Variants in ZNF827 observed in about 807,000 individuals in gnomAD.
The protein encoded by ZNF827 is zinc finger protein 827.
ZNF827 carries 13 observed loss-of-function variants against 102.4 expected under a neutral mutation model. The observed-to-expected ratio is 0.13, with a 90% CI of 0.08 to 0.20. ZNF827 has a LOEUF of 0.20. Among genes scored for constraint, ZNF827 ranks in the 10% least tolerant of loss-of-function variants. ZNF827 has a pLI of 1.00. For missense variants in ZNF827, 1,103 were observed against 1,344.4 expected, an observed-to-expected ratio of 0.82 and a Z score of 2.81; for synonymous variants, 523 against 536.2, an observed-to-expected ratio of 0.98 and a Z score of 0.34.
chr4:145,934,155 G>A (rs535124416), intron 1 of ZNF827, among the ~76,000 whole-genome samples: 34 of 152,226 alleles, frequency 2.2e-4, no homozygotes, highest in African/African-American at 7.7e-4. Flanking sequence ...AAGAAATAAA[G>A]GCTGTATCTC....
At chr4:145,820,684 ACTC>A (rs966866785) in intron 8 of ZNF827, among the ~76,000 whole-genome samples, 2 of 151,332 alleles carry the variant, frequency 1.3e-5, no homozygotes, top group Non-Finnish European at 2.9e-5. Flanking sequence ...TTCCCACCCC[ACTC>A]CTCTTTTTCT....
rs542677375 is a variant in ZNF827 at position 145,791,373 on chromosome 4, C to G, written c.2384-11862G>C. ...CACTTCCCAAAGGCTCCATCTTCTA[C>G]ATAGCATCACTTTAGGGGTGAGGAT... On this transcript the variant is annotated intron_variant, in intron 8 of 14. Coordinates refer to ENST00000508784, the MANE Select transcript of ZNF827 (RefSeq NM_001306215.2). 3.3e-5 allele frequency among the ~76,000 whole-genome samples: 5 copies of G among 152,272 alleles called. No individual in the cohort carries two copies. In the South Asian group the frequency reaches 1.0e-3, roughly 32 times the overall value.
At chr4:145,903,331 G>A in intron 1 of ZNF827, 116 bp from the exon 2 acceptor site, 1 of 1,447,468 alleles carries the variant, frequency 6.9e-7, no homozygotes, top group African/African-American at 1.4e-5. Flanking sequence ...AGAACCAAAT[G>A]AAAGGTGGCA....
chr4:145,858,144 T>A (rs147871548), intron 5 of ZNF827, among the ~76,000 whole-genome samples: 1 of 79,560 alleles, frequency 1.3e-5, no homozygotes, highest in East Asian at 2.4e-4. Context: ...AGTGTGTGTG[T>A]GTGTGTGTGT....
chr4:145,809,451 T>G (rs1741803003), intron 8 of ZNF827, among the ~76,000 whole-genome samples: 1 of 151,876 alleles, frequency 6.6e-6, no homozygotes, highest in African/African-American at 2.4e-5. Flanking sequence ...TAATAGTCCC[T>G]CCCTAAAACT....
chr4:145,887,614 G>A (rs1283640375), intron 3 of ZNF827, among the ~76,000 whole-genome samples: 2 of 152,180 alleles, frequency 1.3e-5, no homozygotes, highest in Admixed American at 1.3e-4. Flanking sequence ...CTCTGCTGGG[G>A]TGGAGTGCTG....
At chr4:145,884,925 TA>T (rs1221152585) in intron 4 of ZNF827, among the ~76,000 whole-genome samples, 8 of 152,168 alleles carry the variant, frequency 5.3e-5, no homozygotes, top group African/African-American at 1.7e-4. Context: ...TTCAAAGACA[TA>T]AAGTAGTGGC....
Position 145,891,749 on chromosome 4 carries a change from G to A in ZNF827, c.1266+494C>T, listed in dbSNP as rs137964371. Among the ~76,000 whole-genome samples the A allele has an allele frequency of 2.3e-3, 356 of 152,288 alleles. 2 individuals carry two copies. The highest frequency in any genetic ancestry group is 8.2e-3 in the African/African-American group (342 of 41,550). ...GGCCCGGTGCCTTCACTGTCTTCAT[G>A]CCTCCTACACGGTGTCTCTGTGTGT... On this transcript the variant is annotated intron_variant, in intron 3 of 14. Coordinates refer to ENST00000508784, the MANE Select transcript of ZNF827 (RefSeq NM_001306215.2).
intron 8 of ZNF827, among the ~76,000 whole-genome samples, chr4:145,801,549 C>T (rs1363883328): frequency 3.9e-5 from 6 of 152,102 alleles, no homozygotes; most frequent in African/African-American, 1.2e-4. Context: ...TAAAAAGATA[C>T]ATCAGGCCCG....
intron 11 of ZNF827, among the ~76,000 whole-genome samples, chr4:145,772,977 T>C (rs989557384): frequency 6.6e-6 from 1 of 152,158 alleles, no homozygotes; most frequent in Admixed American, 6.5e-5. Flanking sequence ...CCTAGCCATA[T>C]GGTTTCTATG....
intron 7 of ZNF827, chr4:145,839,055 T>C (rs1281174611): frequency 3.9e-5 from 6 of 152,226 alleles, no homozygotes; most frequent in Admixed American, 3.9e-4. Context: ...GTATGCAATA[T>C]TGTAGAAGAA....
At position 145,885,654 on chromosome 4, in the gene ZNF827, GAGAA is replaced by G; in HGVS notation, c.1747+20_1747+23del. On this transcript the variant is annotated intron_variant, in intron 4 of 14. Transcript: ENST00000508784. ...AGAGAGAGAGAGAGAGAGAGAGAGA[GAGAA>G]TACAACCCTATTCAAGTACCTGACA... 8.9e-7 allele frequency: 1 copy of G among 1,128,786 alleles called. No individual in the cohort carries two copies. Among genetic ancestry groups the G allele is most frequent in the Non-Finnish European group, 1.2e-6 (1 of 816,316 alleles). 69.9% of individuals were successfully genotyped at this position (1,128,786 alleles called of 1,614,324 possible).
intron 2 of ZNF827, among the ~76,000 whole-genome samples, chr4:145,894,322 T>TA (rs1750818833): frequency 6.6e-6 from 1 of 152,232 alleles, no homozygotes; most frequent in Non-Finnish European, 1.5e-5. Flanking sequence ...ACTAAGCAGT[T>TA]ACCACTGAAG....
chr4:145,780,774 A>G (rs1737853046), intron 8 of ZNF827, among the ~76,000 whole-genome samples: 1 of 152,222 alleles, frequency 6.6e-6, no homozygotes, highest in Non-Finnish European at 1.5e-5. Context: ...TGACACACTA[A>G]GTTAATATCT....
chr4:145,836,062 T>A (rs13150917), intron 7 of ZNF827, among the ~76,000 whole-genome samples: 28,937 of 151,580 alleles, frequency 0.19, 3,858 homozygotes, highest in East Asian at 0.63. Flanking sequence ...TCACTTGGAC[T>A]GACCCTGACA....
chr4:145,765,180 G>C lies in ZNF827; in HGVS notation c.3053-15C>G, dbSNP rs1452429424. On this transcript the variant is annotated splice_polypyrimidine_tract_variant and intron_variant, in intron 12 of 14. Transcript: ENST00000508784. The surrounding 1 kb of genome is among the most constrained non-coding windows in gnomAD (Gnocchi z 4.7). ...ACATTCGAACCCTGCAAGGACCGAA[G>C]CTGGGTATAGAGGTGCACAGGGCAG... 3.1e-6 allele frequency: 5 copies of C among 1,591,262 alleles called. No individual in the cohort carries two copies. In the East Asian group the frequency reaches 8.9e-5, roughly 28 times the overall value.
intron 1 of ZNF827, among the ~76,000 whole-genome samples, chr4:145,931,977 G>A (rs1210573336): frequency 6.6e-6 from 1 of 152,178 alleles, no homozygotes; most frequent in African/African-American, 2.4e-5. Flanking sequence ...CCTTTGGGAG[G>A]TGACTAGATC....
chr4:145,905,675 T>C (rs992600892), intron 1 of ZNF827, among the ~76,000 whole-genome samples: 2 of 152,162 alleles, frequency 1.3e-5, no homozygotes, highest in Non-Finnish European at 2.9e-5. Context: ...ATTTCAACAA[T>C]AGGGCTAATT....
chr4:145,905,564 T>G (rs1374883720), intron 1 of ZNF827, among the ~76,000 whole-genome samples: 1 of 152,242 alleles, frequency 6.6e-6, no homozygotes, highest in Non-Finnish European at 1.5e-5. Flanking sequence ...GATTTTAACA[T>G]TTTTCATCTT....
Sources: gnomAD v4.1 joint callset for allele counts (sites outside exome capture counted in the v4.1 genomes callset) on GRCh38, gnomAD v4.1.1 for gene constraint, Gnocchi (gnomAD v3.1) non-coding constraint, MANE v1.5 for transcripts, NCBI Gene and HGNC (gene_info 2026-07-23, HGNC 2026-07-21) for gene names.